DOK6: variants seen among roughly 807,000 people sequenced by gnomAD.
DOK6 encodes downstream of tyrosine kinase 6.
Under a neutral mutation model 44.0 loss-of-function variants are expected in DOK6, and 22 were observed. The ratio of observed to expected loss-of-function variants is 0.50; its 90% CI spans 0.36 to 0.71. The LOEUF (loss-of-function observed/expected upper bound fraction) is 0.71, where lower values mean the gene tolerates loss of function less well. Ranked by LOEUF, DOK6 falls within the 30% of genes least tolerant of loss-of-function variation. The probability of loss-of-function intolerance (pLI) is 0.00; values close to 1 mark genes in which losing one functional copy is unlikely to be tolerated. For synonymous variants in DOK6, 166 were observed against 145.5 expected, an observed-to-expected ratio of 1.14 and a Z score of -1.01; for missense variants, 340 against 416.4, an observed-to-expected ratio of 0.82 and a Z score of 1.60.
chr18:69,434,364 C>G (rs1830635521), intron 1 of DOK6, among the ~76,000 whole-genome samples: 1 of 152,134 alleles, frequency 6.6e-6, no homozygotes, highest in Non-Finnish European at 1.5e-5. Flanking sequence ...GAAAATAATT[C>G]TTCCCCTTCA....
intron 1 of DOK6, among the ~76,000 whole-genome samples, chr18:69,560,047 G>A (rs1285266972): frequency 6.6e-6 from 1 of 152,040 alleles, no homozygotes; most frequent in East Asian, 1.9e-4. Flanking sequence ...TTCAGTCATG[G>A]CAGTATCAGA....
intron 1 of DOK6, among the ~76,000 whole-genome samples, chr18:69,500,106 A>G (rs143396146): frequency 2.0e-3 from 298 of 152,274 alleles, no homozygotes; most frequent in African/African-American, 6.6e-3. Flanking sequence ...ACGATGCTTG[A>G]TACAGGTACA....
chr18:69,648,148 T>C (rs1224837539), intron 3 of DOK6, among the ~76,000 whole-genome samples: 1 of 152,178 alleles, frequency 6.6e-6, no homozygotes, highest in East Asian at 1.9e-4. Context: ...ATCCAGAAAA[T>C]GAAACTACGG....
At chr18:69,786,844 AT>A (rs1980445163) in intron 7 of DOK6, among the ~76,000 whole-genome samples, 1 of 152,206 alleles carries the variant, frequency 6.6e-6, no homozygotes, top group Non-Finnish European at 1.5e-5. Flanking sequence ...GTGATTCCTA[AT>A]TTTGTAGGTC....
intron 7 of DOK6, among the ~76,000 whole-genome samples, chr18:69,840,155 C>A (rs1459726843): frequency 6.6e-6 from 1 of 152,214 alleles, no homozygotes; most frequent in East Asian, 1.9e-4. Flanking sequence ...AAGGACAGAG[C>A]CACCTGCGGA....
In DOK6 at chr18:69,478,506, A is replaced by G. The variant is rs76003297; in HGVS notation, c.66+77196A>G. 4.6e-4 allele frequency among the ~76,000 whole-genome samples: 70 copies of G among 152,292 alleles called. No individual in the cohort carries two copies. The East Asian group carries it at 0.013, about 29-fold the overall frequency. The stretch of plus-strand genomic sequence containing the variant: ...TCCTAATCTAAAACAAATGGGAAAA[A>G]ATAGTTAATGTTCTAGTTTCCTAAC... On this transcript the variant is annotated intron_variant, in intron 1 of 7. Transcript: ENST00000382713.
chr18:69,781,312 A>G (rs1980259962), intron 7 of DOK6: 1 of 152,154 alleles, frequency 6.6e-6, no homozygotes, highest in Non-Finnish European at 1.5e-5. Flanking sequence ...AGATTTCTTG[A>G]AGAAAATGCA....
At chr18:69,694,058 CAAAAAAAAAAA>C (rs60662789) in intron 4 of DOK6, among the ~76,000 whole-genome samples, 38 of 61,998 alleles carry the variant, frequency 6.1e-4, no homozygotes, top group Admixed American at 2.9e-3. Flanking sequence ...GACTCCGTGT[CAAAAAAAAAAA>C]AAAAAAAAAA....
At chr18:69,575,129 A>C (rs538771076) in intron 2 of DOK6, among the ~76,000 whole-genome samples, 3 of 152,186 alleles carry the variant, frequency 2.0e-5, no homozygotes, top group Non-Finnish European at 4.4e-5. Flanking sequence ...TTTTAAAAAG[A>C]CTTTGTAACT....
At chr18:69,584,024 C>T (rs1325881455) in intron 2 of DOK6, among the ~76,000 whole-genome samples, 1 of 143,756 alleles carries the variant, frequency 7.0e-6, no homozygotes, top group Non-Finnish European at 1.5e-5. Flanking sequence ...AGGAGAATGG[C>T]GTGAACCCGG....
chr18:69,502,611 G>A (rs1329622274), intron 1 of DOK6, among the ~76,000 whole-genome samples: 2 of 151,886 alleles, frequency 1.3e-5, no homozygotes, highest in African/African-American at 2.4e-5. Context: ...ATTCTGAGGT[G>A]GTTACTTTAA....
intron 1 of DOK6, among the ~76,000 whole-genome samples, chr18:69,420,826 T>C (rs2364201): frequency 0.62 from 93,954 of 152,032 alleles, 29,262 homozygotes; most frequent in South Asian, 0.74. Context: ...TGGTGTGCCA[T>C]CCTAGACTAG....
rs527316578 is a variant in DOK6, at chr18:69,564,349, CTTAA to C, written c.67-133_67-130del. 2.7e-4 allele frequency: 180 copies of C among 665,812 alleles called. No individual in the cohort carries two copies. The African/African-American group carries it at 2.9e-3, about 11-fold the overall frequency. The allele number at this position is 665,812 out of a possible 1,614,324, so 41.2% of individuals were successfully genotyped here. A position where few individuals can be genotyped will look rare whatever the true frequency, so the allele number is the denominator to read the frequency against. ...ATATCATATTTAAAAATACTGTAAT[CTTAA>C]TTAAGAACATGTTTGTCAATCAAAA... On this transcript the variant is annotated intron_variant, in intron 1 of 7. Coordinates refer to ENST00000382713, the MANE Select transcript of DOK6 (RefSeq NM_152721.6).
At chr18:69,607,580 A>G (rs1254878782) in intron 3 of DOK6, among the ~76,000 whole-genome samples, 1 of 152,200 alleles carries the variant, frequency 6.6e-6, no homozygotes, top group African/African-American at 2.4e-5. Flanking sequence ...CTGCATTTTA[A>G]TATAGTTCCT....
rs149574697 is a variant in DOK6 at position 69,810,213 on chromosome 18, C to T, written c.857-31031C>T. On this transcript the variant is annotated intron_variant, in intron 7 of 7. Coordinates refer to ENST00000382713, the MANE Select transcript of DOK6 (RefSeq NM_152721.6). ...GTCAATTGATTTTTGACAAAAGTGC[C>T]GAGAACAGTTTCTTCAATAAATGGT... Among the ~76,000 whole-genome samples, 1,066 of 151,610 alleles carry T rather than the reference C, an allele frequency of 7.0e-3. 6 individuals carry two copies. Among genetic ancestry groups the T allele is most frequent in the Non-Finnish European group, 8.8e-3 (592 of 67,652 alleles).
chr18:69,513,382 G>T (rs1015832635), intron 1 of DOK6, among the ~76,000 whole-genome samples: 2 of 152,080 alleles, frequency 1.3e-5, no homozygotes, highest in Non-Finnish European at 2.9e-5. Flanking sequence ...ATATACTCAC[G>T]CACACACGCA....
chr18:69,599,316 T>C, intron 2 of DOK6, 68 bp from the exon 3 acceptor site: 1 of 1,085,276 alleles, frequency 9.2e-7, no homozygotes, highest in Non-Finnish European at 1.3e-6. Flanking sequence ...AACTTATCAT[T>C]TTGTTTCAGC....
At chr18:69,495,396 A>T (rs1172324328) in intron 1 of DOK6, among the ~76,000 whole-genome samples, 2 of 152,162 alleles carry the variant, frequency 1.3e-5, no homozygotes, top group South Asian at 4.1e-4. Flanking sequence ...AGGTATGCAG[A>T]TAAGTGGAGG....
At chr18:69,556,242 C>T (rs142793728) in intron 1 of DOK6, among the ~76,000 whole-genome samples, 145 of 152,286 alleles carry the variant, frequency 9.5e-4, no homozygotes, top group African/African-American at 3.0e-3. Context: ...CTGCCCTCCA[C>T]GCTGGCCCCT....
Sources: allele counts gnomAD v4.1 joint callset (sites outside exome capture counted in the v4.1 genomes callset), GRCh38; gene constraint gnomAD v4.1.1; transcripts MANE v1.5; gene names NCBI Gene and HGNC (gene_info 2026-07-23, HGNC 2026-07-21).